FAR2: variants seen among roughly 807,000 people sequenced by gnomAD.
FAR2 encodes fatty acyl-CoA reductase 2, also known as epididymis secretory protein Li 81.
In FAR2, 19 loss-of-function variants were observed where a neutral mutation model predicts 56.0. The ratio of observed to expected loss-of-function variants is 0.34; its 90% CI spans 0.24 to 0.50. FAR2 has a LOEUF of 0.50. Among genes scored for constraint, FAR2 ranks in the 20% least tolerant of loss-of-function variants. The probability of loss-of-function intolerance (pLI) is 0.98; values close to 1 mark genes in which losing one functional copy is unlikely to be tolerated. For missense variants in FAR2, 508 were observed against 642.2 expected (o/e 0.79, Z 2.26); for synonymous variants, 219 against 218.8 (o/e 1.00, Z -0.01).
intron 1 of FAR2, among the ~76,000 whole-genome samples, chr12:29,184,154 G>A (rs1950016363): frequency 6.6e-6 from 1 of 152,128 alleles, no homozygotes; most frequent in Non-Finnish European, 1.5e-5. Flanking sequence ...TTTCTGAGAG[G>A]CTGATTTTTC....
In FAR2 at chr12:29,224,758, G is replaced by A. The variant is rs73077528; in HGVS notation, c.-38-45654G>A. On this transcript the variant is annotated intron_variant, in intron 1 of 11. Coordinates refer to ENST00000536681, the MANE Select transcript of FAR2 (RefSeq NM_001271783.2). ...ATACCAAAGCAGTGACTTATTAGACGTATGTAATGTTTTAAAAAGATAATA... is the reference window on the plus strand; with the variant it reads ...ATACCAAAGCAGTGACTTATTAGACATATGTAATGTTTTAAAAAGATAATA... Among the ~76,000 whole-genome samples the A allele has an allele frequency of 5.3e-3, 806 of 152,188 alleles. 9 individuals carry two copies. The highest frequency in any genetic ancestry group is 0.027 in the Middle Eastern group (8 of 294).
intron 1 of FAR2, among the ~76,000 whole-genome samples, chr12:29,214,892 G>A (rs1419233936): frequency 6.6e-6 from 1 of 151,934 alleles, no homozygotes; most frequent in Non-Finnish European, 1.5e-5. Context: ...TATGACTGAC[G>A]ACAGGGAAAG....
At chr12:29,206,071 A>G (rs934627625) in intron 1 of FAR2, among the ~76,000 whole-genome samples, 1 of 152,232 alleles carries the variant, frequency 6.6e-6, no homozygotes, top group Non-Finnish European at 1.5e-5. Context: ...GCTGGGAAGC[A>G]TATTCAGCCA....
intron 4 of FAR2, among the ~76,000 whole-genome samples, chr12:29,303,569 G>A (rs1949210356): frequency 6.6e-6 from 1 of 152,138 alleles, no homozygotes; most frequent in South Asian, 2.1e-4. Context: ...AGGTGTGAGA[G>A]GCAGGGGAAT....
intron 1 of FAR2, among the ~76,000 whole-genome samples, chr12:29,236,726 A>C (rs1310831145): frequency 6.6e-6 from 1 of 152,166 alleles, no homozygotes; most frequent in Non-Finnish European, 1.5e-5. Flanking sequence ...GGGGATTACA[A>C]TTCCAGATGA....
chr12:29,184,989 C>T (rs1950026632), intron 1 of FAR2, among the ~76,000 whole-genome samples: 1 of 152,112 alleles, frequency 6.6e-6, no homozygotes, highest in African/African-American at 2.4e-5. Flanking sequence ...AACCTTAAAC[C>T]TCAGTTTCCT....
intron 2 of FAR2, among the ~76,000 whole-genome samples, chr12:29,286,986 G>C (rs996774713): frequency 6.6e-6 from 1 of 152,194 alleles, no homozygotes; most frequent in Non-Finnish European, 1.5e-5. Context: ...ATGACCCAGA[G>C]AGGTAAGTAA....
chr12:29,249,847 G>C (rs1948179764), intron 1 of FAR2, among the ~76,000 whole-genome samples: 1 of 152,122 alleles, frequency 6.6e-6, no homozygotes, highest in Admixed American at 6.6e-5. Context: ...AATGAGAACA[G>C]ACTCAGTCAA....
At chr12:29,220,513 CT>C (rs1039365838) in intron 1 of FAR2, among the ~76,000 whole-genome samples, 1 of 152,006 alleles carries the variant, frequency 6.6e-6, no homozygotes, top group Non-Finnish European at 1.5e-5. Flanking sequence ...AAATCAAGGC[CT>C]TTTTACTATT....
At chr12:29,245,193 G>T (rs929596111) in intron 1 of FAR2, among the ~76,000 whole-genome samples, 1 of 152,258 alleles carries the variant, frequency 6.6e-6, no homozygotes, top group South Asian at 2.1e-4. Context: ...CGTTGGCCAG[G>T]ATGGTCTCAA....
intron 1 of FAR2, among the ~76,000 whole-genome samples, chr12:29,233,590 G>A (rs1256565441): frequency 2.0e-5 from 3 of 152,088 alleles, no homozygotes; most frequent in African/African-American, 7.2e-5. Flanking sequence ...GTCTCTCCTC[G>A]TGTCATAGGT....
rs926873329 is a variant in FAR2 at position 29,334,578 on chromosome 12, CCTT to C, written c.*790_*792del. 1.3e-4 allele frequency: 20 copies of C among 152,148 alleles called. No homozygotes were observed. Among genetic ancestry groups the C allele is most frequent in the Non-Finnish European group, 1.9e-4 (13 of 68,014 alleles). 9.4% of individuals were successfully genotyped at this position (152,148 alleles called of 1,614,324 possible). Reference sequence around the variant, plus strand: ...CCTGGTAACCTTCTTTCAAGAGTCTCCTTCTTCTAAAAGTTGCCAAACCCTTTA... The same window carrying C: ...CCTGGTAACCTTCTTTCAAGAGTCTCCTTCTAAAAGTTGCCAAACCCTTTA... On this transcript the variant is annotated 3_prime_UTR_variant, in exon 12 of 12. Transcript: ENST00000536681.
At chr12:29,172,386 TA>T (rs916036404) in intron 1 of FAR2, among the ~76,000 whole-genome samples, 9 of 150,924 alleles carry the variant, frequency 6.0e-5, no homozygotes, top group Non-Finnish European at 8.9e-5. Context: ...ATTAAAAGTT[TA>T]AAAAAAAAAT....
chr12:29,241,349 A>G (rs1238838178), intron 1 of FAR2, among the ~76,000 whole-genome samples: 1 of 152,120 alleles, frequency 6.6e-6, no homozygotes, highest in East Asian at 1.9e-4. Flanking sequence ...ATCTGGAAAG[A>G]CTTTCTCAAG....
At chr12:29,179,932 C>T (rs569816016) in intron 1 of FAR2, among the ~76,000 whole-genome samples, 3 of 152,066 alleles carry the variant, frequency 2.0e-5, no homozygotes, top group Non-Finnish European at 2.9e-5. Flanking sequence ...AGCAAACAAA[C>T]AAAAAAACCT....
At chr12:29,160,499 A>T (rs966834962) in intron 1 of FAR2, among the ~76,000 whole-genome samples, 2 of 152,206 alleles carry the variant, frequency 1.3e-5, no homozygotes, top group Non-Finnish European at 2.9e-5. Context: ...CAAGTTACTT[A>T]ACTTCCTGCT....
chr12:29,262,338 C>G (rs1948434598), intron 1 of FAR2, among the ~76,000 whole-genome samples: 1 of 151,968 alleles, frequency 6.6e-6, no homozygotes, highest in African/African-American at 2.4e-5. Flanking sequence ...AAATAAAAAG[C>G]AAGAAATTAA....
At position 29,297,989 on chromosome 12, in the gene FAR2, T is replaced by G. The variant is rs141286022; in HGVS notation, c.545+789T>G. On this transcript the variant is annotated intron_variant, in intron 4 of 11. Transcript: ENST00000536681. ...AGGCAGAGGTTGCAATGAGCCGAGA[T>G]TGTGCCGTTGCACTCCAGCCTGGGC... Among the ~76,000 whole-genome samples, 461 of 150,546 alleles carry G rather than the reference T, an allele frequency of 3.1e-3. 16 individuals are homozygous for G. In the East Asian group the frequency reaches 0.071, roughly 23 times the overall value.
At chr12:29,158,962 T>G (rs967838537) in intron 1 of FAR2, among the ~76,000 whole-genome samples, 1 of 152,194 alleles carries the variant, frequency 6.6e-6, no homozygotes, top group African/African-American at 2.4e-5. Flanking sequence ...ATTTATTCAT[T>G]TGTACTATTT....
Sources: gnomAD v4.1 joint callset for allele counts (sites outside exome capture counted in the v4.1 genomes callset) on GRCh38, gnomAD v4.1.1 for gene constraint, MANE v1.5 for transcripts, NCBI Gene and HGNC (gene_info 2026-07-23, HGNC 2026-07-21) for gene names.